Variants in HMGCLL1 observed in about 807,000 individuals in gnomAD.
The protein encoded by HMGCLL1 is 3-hydroxy-3-methylglutaryl-CoA lyase like 1.
In HMGCLL1, 36 loss-of-function variants were observed where a neutral mutation model predicts 39.1. That is an observed-to-expected ratio of 0.92 (90% CI 0.71 to 1.22). The LOEUF is 1.22. Among genes scored for constraint, HMGCLL1 ranks in the 50% most tolerant of loss-of-function variants. HMGCLL1 has a pLI of 0.00. For missense variants in HMGCLL1, 451 were observed against 416.5 expected, an observed-to-expected ratio of 1.08 and a Z score of -0.72; for synonymous variants, 149 against 144.0, an observed-to-expected ratio of 1.03 and a Z score of -0.25.
chr6:55,600,731 A>G, the HMGCLL1 span, among the ~76,000 whole-genome samples: 2 of 152,148 alleles, frequency 1.3e-5, no homozygotes, highest in Non-Finnish European at 1.5e-5. Flanking sequence ...CATTTATCAC[A>G]GTTGTCAACT....
chr6:55,676,484 A>T, the HMGCLL1 span, among the ~76,000 whole-genome samples: 1 of 152,160 alleles, frequency 6.6e-6, no homozygotes, highest in African/African-American at 2.4e-5. Flanking sequence ...TTGAGGAAGT[A>T]ATGACAGCAA....
intron 7 of HMGCLL1, among the ~76,000 whole-genome samples, chr6:55,488,851 G>C (rs1322401224): frequency 6.6e-6 from 1 of 152,026 alleles, no homozygotes; most frequent in Non-Finnish European, 1.5e-5. Context: ...TAAACCCAGA[G>C]TTAGAAATAT....
chr6:55,438,539 T>C (rs1009082840), intron 8 of HMGCLL1, among the ~76,000 whole-genome samples: 8 of 151,940 alleles, frequency 5.3e-5, no homozygotes. Context: ...TTTAGGATGG[T>C]GGTGTCTTAC....
At chr6:55,666,985 C>T in the HMGCLL1 span, among the ~76,000 whole-genome samples, 1 of 151,396 alleles carries the variant, frequency 6.6e-6, no homozygotes, top group African/African-American at 2.4e-5. Context: ...CTTAAACAGA[C>T]TAGGTTGTAA....
At chr6:55,599,910 C>T in the HMGCLL1 span, among the ~76,000 whole-genome samples, 2 of 152,176 alleles carry the variant, frequency 1.3e-5, no homozygotes, top group Non-Finnish European at 2.9e-5. Flanking sequence ...CGAAGCTAAG[C>T]ATGAATGATT....
intron 1 of HMGCLL1, chr6:55,563,821 T>C (rs1310924016): frequency 1.6e-6 from 2 of 1,222,722 alleles, no homozygotes; most frequent in Non-Finnish European, 2.2e-6. Context: ...ATTCTCACCT[T>C]TAGTAAAAGA....
the HMGCLL1 span, among the ~76,000 whole-genome samples, chr6:55,619,119 G>GGA: frequency 0.069 from 10,468 of 152,000 alleles, 510 homozygotes; most frequent in East Asian, 0.17. Context: ...GTGGGAAGAG[G>GGA]GAGAGGTCAA....
the HMGCLL1 span, among the ~76,000 whole-genome samples, chr6:55,647,772 T>TTA: frequency 5.3e-3 from 701 of 132,194 alleles, 11 homozygotes; most frequent in African/African-American, 0.019. Context: ...TTATTTTATT[T>TTA]TTTTTTTTTA....
chr6:55,662,595 T>C, the HMGCLL1 span, among the ~76,000 whole-genome samples: 466 of 152,008 alleles, frequency 3.1e-3, 2 homozygotes, highest in Admixed American at 8.1e-3. Context: ...AGAATTTTGG[T>C]TGAAATTTTT....
the HMGCLL1 span, among the ~76,000 whole-genome samples, chr6:55,626,052 T>C: frequency 6.6e-6 from 1 of 152,142 alleles, no homozygotes; most frequent in Non-Finnish European, 1.5e-5. Flanking sequence ...GACCTGGCTA[T>C]GGCCACTGCT....
chr6:55,468,580 C>T (rs912811453), intron 7 of HMGCLL1, among the ~76,000 whole-genome samples: 8 of 151,934 alleles, frequency 5.3e-5, no homozygotes, highest in East Asian at 1.9e-4. Flanking sequence ...TAGAGAAGGA[C>T]GAGAAAAGCT....
At chr6:55,553,139 A>AAC (rs1253686953) in intron 1 of HMGCLL1, among the ~76,000 whole-genome samples, 1,398 of 132,962 alleles carry the variant, frequency 0.011, 9 homozygotes, top group South Asian at 0.024. Flanking sequence ...GCAAAACTCC[A>AAC]TCTCTCTCTC....
chr6:55,459,712 G>C (rs1177485108), intron 7 of HMGCLL1, among the ~76,000 whole-genome samples: 3 of 151,978 alleles, frequency 2.0e-5, no homozygotes, highest in African/African-American at 4.8e-5. Context: ...GCAGTAAATT[G>C]AGATGTATAA....
chr6:55,489,187 G>T (rs1286641892), intron 7 of HMGCLL1, among the ~76,000 whole-genome samples: 2 of 151,962 alleles, frequency 1.3e-5, no homozygotes, highest in Non-Finnish European at 2.9e-5. Flanking sequence ...AAATAAACAT[G>T]AAAAGAAGTT....
intron 1 of HMGCLL1, among the ~76,000 whole-genome samples, chr6:55,572,107 A>T (rs923724546): frequency 6.6e-6 from 1 of 152,162 alleles, no homozygotes. Context: ...AAACATACAC[A>T]TACAGTCAAG....
chr6:55,673,270 T>A, the HMGCLL1 span, among the ~76,000 whole-genome samples: 1 of 151,978 alleles, frequency 6.6e-6, no homozygotes, highest in East Asian at 1.9e-4. Flanking sequence ...CTTAGCCTAT[T>A]GGTATTGTCT....
chr6:55,492,408 A>C (rs1326466253), intron 7 of HMGCLL1, among the ~76,000 whole-genome samples: 1 of 152,216 alleles, frequency 6.6e-6, no homozygotes, highest in East Asian at 1.9e-4. Flanking sequence ...AGCACTGGTG[A>C]ACACCTCACT....
chr6:55,457,220 T>A (rs9464248), intron 7 of HMGCLL1, among the ~76,000 whole-genome samples: 151,386 of 152,320 alleles, frequency 0.99, 75,240 homozygotes, highest in Middle Eastern at 1. Flanking sequence ...ATACTAAACA[T>A]AGGCACTTTA....
chr6:55,485,369 TGAA>T (rs935293058), intron 7 of HMGCLL1, among the ~76,000 whole-genome samples: 1 of 152,082 alleles, frequency 6.6e-6, no homozygotes, highest in Admixed American at 6.6e-5. Flanking sequence ...ATGAGCTACT[TGAA>T]GACATGACAA....
Sources: allele counts gnomAD v4.1 joint callset (sites outside exome capture counted in the v4.1 genomes callset), GRCh38; gene constraint gnomAD v4.1.1; transcripts MANE v1.5; gene names NCBI Gene and HGNC (gene_info 2026-07-23, HGNC 2026-07-21).